Variants in GABRA2 observed in about 807,000 individuals in gnomAD.
GABRA2 encodes gamma-aminobutyric acid type A receptor subunit alpha2, also known as gamma-aminobutyric acid receptor subunit alpha-2.
Under a neutral mutation model 48.7 loss-of-function variants are expected in GABRA2, and 16 were observed. The ratio of observed to expected loss-of-function variants is 0.33; its 90% confidence interval spans 0.22 to 0.50. GABRA2 has a LOEUF of 0.50. GABRA2 is among the 20% of genes least tolerant of loss of function. The pLI, the probability that GABRA2 is intolerant of heterozygous loss-of-function variation, is 0.98. For synonymous variants in GABRA2, 185 were observed against 184.5 expected, an observed-to-expected ratio of 1.00 and a Z score of -0.02; for missense variants, 275 against 535.6, an observed-to-expected ratio of 0.51 and a Z score of 4.80.
intron 8 of GABRA2, among the ~76,000 whole-genome samples, chr4:46,276,912 T>C (rs1577872337): frequency 6.6e-6 from 1 of 152,156 alleles, no homozygotes; most frequent in East Asian, 1.9e-4. Flanking sequence ...ATTATTGCTA[T>C]ATAAATTTTA....
chr4:46,269,153 A>G (rs1292373792), intron 8 of GABRA2, among the ~76,000 whole-genome samples: 1 of 151,898 alleles, frequency 6.6e-6, no homozygotes, highest in African/African-American at 2.4e-5. Context: ...ATAGCTAATA[A>G]TTAAGTTCTG....
chr4:46,377,094 C>T (rs1231211063), intron 3 of GABRA2, among the ~76,000 whole-genome samples: 2 of 152,076 alleles, frequency 1.3e-5, no homozygotes, highest in African/African-American at 2.4e-5. Context: ...ACAACCTTCA[C>T]CTCCCAGCAG....
intron 8 of GABRA2, among the ~76,000 whole-genome samples, chr4:46,267,527 C>A (rs935759256): frequency 1.3e-5 from 2 of 151,788 alleles, no homozygotes; most frequent in South Asian, 2.1e-4. Flanking sequence ...TTGGATGTCT[C>A]ATATTCTTTT....
intron 3 of GABRA2, among the ~76,000 whole-genome samples, chr4:46,376,797 C>T (rs1455836080): frequency 6.6e-6 from 1 of 151,896 alleles, no homozygotes; most frequent in Non-Finnish European, 1.5e-5. Context: ...CTCCCTCTCT[C>T]CACGGTCTCC....
chr4:46,377,171 G>A (rs1715868988), intron 3 of GABRA2, among the ~76,000 whole-genome samples: 1 of 152,036 alleles, frequency 6.6e-6, no homozygotes, highest in African/African-American at 2.4e-5. Flanking sequence ...TCTGGGAAGT[G>A]AGGAGCGTCT....
chr4:46,388,941 T>C, intron 1 of GABRA2: 1 of 1,320,270 alleles, frequency 7.6e-7, no homozygotes, highest in South Asian at 2.1e-5. Flanking sequence ...TTTTTTTCTT[T>C]CTTTCTTTCT....
intron 4 of GABRA2, among the ~76,000 whole-genome samples, chr4:46,323,615 T>C (rs1428410672): frequency 6.6e-6 from 1 of 151,854 alleles, no homozygotes; most frequent in East Asian, 1.9e-4. Flanking sequence ...ACTGAGTGTA[T>C]ACTTAGGAAA....
chr4:46,370,657 T>C (rs1310445439), intron 3 of GABRA2, among the ~76,000 whole-genome samples: 1 of 152,140 alleles, frequency 6.6e-6, no homozygotes, highest in African/African-American at 2.4e-5. Context: ...AGCTCTTAAT[T>C]GGGATTTTCA....
intron 5 of GABRA2, among the ~76,000 whole-genome samples, chr4:46,311,373 T>C (rs1340628471): frequency 6.6e-6 from 1 of 152,230 alleles, no homozygotes; most frequent in Non-Finnish European, 1.5e-5. Flanking sequence ...ACTTATCTTA[T>C]GAAATGACAA....
chr4:46,263,683 T>A (rs975710098), intron 8 of GABRA2, among the ~76,000 whole-genome samples: 1 of 152,098 alleles, frequency 6.6e-6, no homozygotes, highest in South Asian at 2.1e-4. Flanking sequence ...CTTATTCTTA[T>A]TCATCAGTCT....
At chr4:46,327,250 T>C (rs1468348130) in intron 4 of GABRA2, among the ~76,000 whole-genome samples, 2 of 152,024 alleles carry the variant, frequency 1.3e-5, no homozygotes, top group African/African-American at 4.8e-5. Context: ...TTTCATGTTC[T>C]ACAAATAGTA....
Position 46,257,329 on chromosome 4 carries a change from G to T in GABRA2, c.1059+4597C>A, listed in dbSNP as rs557828369. 3.3e-5 allele frequency among the ~76,000 whole-genome samples: 5 copies of T among 151,704 alleles called. No individual in the cohort carries two copies. In the South Asian group the frequency reaches 8.3e-4, roughly 25 times the overall value. ...TAGCAGCAGAAGAAGAGGTATTATTGCAAGAGGGGTCAGCAGGTCTAATGT... is the reference window on the plus strand; with the variant it reads ...TAGCAGCAGAAGAAGAGGTATTATTTCAAGAGGGGTCAGCAGGTCTAATGT... On this transcript the variant is annotated intron_variant, in intron 9 of 9. Coordinates refer to ENST00000381620, the MANE Select transcript of GABRA2 (RefSeq NM_000807.4).
At chr4:46,322,328 T>C (rs1243632434) in intron 4 of GABRA2, among the ~76,000 whole-genome samples, 1 of 151,910 alleles carries the variant, frequency 6.6e-6, no homozygotes. Flanking sequence ...CTTGCTGATT[T>C]CAGTCACCTG....
intron 3 of GABRA2, among the ~76,000 whole-genome samples, chr4:46,358,638 G>T (rs1006039986): frequency 6.6e-6 from 1 of 152,128 alleles, no homozygotes; most frequent in Admixed American, 6.5e-5. Flanking sequence ...TCACATGTTT[G>T]CTGGGTTAGT....
At chr4:46,327,450 TCAA>T (rs1730584157) in intron 4 of GABRA2, among the ~76,000 whole-genome samples, 1 of 151,986 alleles carries the variant, frequency 6.6e-6, no homozygotes, top group Non-Finnish European at 1.5e-5. Flanking sequence ...TTCCAAAATG[TCAA>T]TAACCTTACA....
intron 3 of GABRA2, among the ~76,000 whole-genome samples, chr4:46,340,575 G>A (rs193220638): frequency 6.6e-6 from 1 of 151,866 alleles, no homozygotes; most frequent in African/African-American, 2.4e-5. Flanking sequence ...TGAAGCATTT[G>A]CCCTTTTTCT....
rs148959704 is a variant in GABRA2, at chr4:46,253,321, G to A, written c.1060-2717C>T. On this transcript the variant is annotated intron_variant, in intron 9 of 9. Transcript: ENST00000381620. Reference sequence around the variant, plus strand: ...TCTCTGAAAAACTCTAGAGCAGAGGGACTAACCAATCTGAACAGATACTCT... The same window carrying A: ...TCTCTGAAAAACTCTAGAGCAGAGGAACTAACCAATCTGAACAGATACTCT... Among the ~76,000 whole-genome samples the A allele has an allele frequency of 1.1e-3, 163 of 151,424 alleles. 1 individual carries two copies. The highest frequency in any genetic ancestry group is 1.9e-3 in the Non-Finnish European group (131 of 67,620).
intron 3 of GABRA2, among the ~76,000 whole-genome samples, chr4:46,353,878 C>G (rs532125973): frequency 6.1e-4 from 93 of 152,164 alleles, no homozygotes; most frequent in African/African-American, 2.2e-3. Context: ...CACCTCTTCA[C>G]TATGTTTGTT....
chr4:46,285,486 G>T (rs1177439585), intron 8 of GABRA2, among the ~76,000 whole-genome samples: 1 of 152,008 alleles, frequency 6.6e-6, no homozygotes, highest in Non-Finnish European at 1.5e-5. Flanking sequence ...GATGGGTAGA[G>T]TCTTCTGTTG....
Sources: gnomAD v4.1 joint callset for allele counts (sites outside exome capture counted in the v4.1 genomes callset) on GRCh38, gnomAD v4.1.1 for gene constraint, MANE v1.5 for transcripts, NCBI Gene and HGNC (gene_info 2026-07-23, HGNC 2026-07-21) for gene names.